Variants in PIAS2 observed in about 807,000 individuals in gnomAD.
PIAS2 encodes the protein E3 SUMO-protein ligase PIAS2.
A neutral mutation model predicts 69.7 loss-of-function variants in PIAS2; 19 were observed. That is an observed-to-expected ratio of 0.27 (90% confidence interval 0.19 to 0.40). PIAS2 has a LOEUF of 0.40. PIAS2 is among the 10% of genes least tolerant of loss of function. The pLI is 1.00. For missense variants in PIAS2, 624 were observed against 757.0 expected (o/e 0.82, Z 2.06); for synonymous variants, 261 against 263.2 (o/e 0.99, Z 0.08).
chr18:46,839,508 G>A (rs751680608), intron 8 of PIAS2, among the ~76,000 whole-genome samples: 3 of 151,892 alleles, frequency 2.0e-5, no homozygotes, highest in African/African-American at 4.8e-5. Flanking sequence ...TTAAAATAAC[G>A]TTCTAACTCA....
At chr18:46,911,582 C>T (rs1313089836) in intron 1 of PIAS2, among the ~76,000 whole-genome samples, 1 of 152,188 alleles carries the variant, frequency 6.6e-6, no homozygotes, top group Non-Finnish European at 1.5e-5. Flanking sequence ...TATGGCTCCA[C>T]AGTACTTGGT....
upstream of PIAS2, chr18:46,917,593 C>G (rs971982349): frequency 9.6e-7 from 1 of 1,036,716 alleles, no homozygotes; most frequent in African/African-American, 1.7e-5. Context: ...GCCTTCCGCC[C>G]GCGCCTTCAG....
rs1491456025 is a variant in PIAS2, at chr18:46,807,384, T to TATATATATATATA, written c.*5048_*5049insTATATATATATAT. 2.9e-3 allele frequency: 54 copies of TATATATATATATA among 18,598 alleles called. No individual in the cohort carries two copies. The highest frequency in any genetic ancestry group is 4.8e-3 in the Non-Finnish European group (47 of 9,710). 1.2% of individuals were successfully genotyped at this position (18,598 alleles called of 1,614,324 possible). A position where few individuals can be genotyped will look rare whatever the true frequency, so the allele number is the denominator to read the frequency against. On this transcript the variant is annotated 3_prime_UTR_variant, in exon 14 of 14. Coordinates refer to ENST00000585916, the MANE Select transcript of PIAS2 (RefSeq NM_004671.5). ...ATATATATATATATATATATATATA[T>TATATATATATATA]TTTTTTTTTTTTTTTTTTTTTTTTT...
chr18:46,897,445 C>CA (rs1217566433), intron 1 of PIAS2, among the ~76,000 whole-genome samples: 1 of 152,026 alleles, frequency 6.6e-6, no homozygotes, highest in Non-Finnish European at 1.5e-5. Flanking sequence ...ATTTGAGCAT[C>CA]AAAAAGAATA....
chr18:46,812,963 G>A (rs2041120468), intron 13 of PIAS2, among the ~76,000 whole-genome samples: 1 of 152,126 alleles, frequency 6.6e-6, no homozygotes, highest in Non-Finnish European at 1.5e-5. Context: ...TTAGTTGGGT[G>A]TCAATTTTGA....
chr18:46,823,888 A>G (rs2042481539), intron 11 of PIAS2, among the ~76,000 whole-genome samples: 1 of 152,224 alleles, frequency 6.6e-6, no homozygotes, highest in Non-Finnish European at 1.5e-5. Flanking sequence ...AAATGATTCT[A>G]AAGCCTATGC....
chr18:46,881,166 A>T (rs1410415817), intron 2 of PIAS2, among the ~76,000 whole-genome samples: 1 of 152,042 alleles, frequency 6.6e-6, no homozygotes, highest in Non-Finnish European at 1.5e-5. Flanking sequence ...AGTCCACCTT[A>T]TTACTTTCAA....
intron 3 of PIAS2, among the ~76,000 whole-genome samples, chr18:46,855,992 C>CTTTTTTT (rs1256937354): frequency 7.7e-4 from 53 of 69,078 alleles, no homozygotes; most frequent in African/African-American, 2.2e-3. Flanking sequence ...TTTTCTTTTT[C>CTTTTTTT]TTTTGTTTTT....
intron 1 of PIAS2, among the ~76,000 whole-genome samples, chr18:46,911,529 T>C (rs1181666456): frequency 2.0e-5 from 3 of 152,146 alleles, no homozygotes; most frequent in African/African-American, 7.2e-5. Flanking sequence ...TTTGTTATAT[T>C]TCCTTTTTAA....
Position 46,917,420 on chromosome 18 carries a change from C to G in PIAS2, c.-75G>C. ...CTGCCGCCAACGACGCTGCCGCCACCACGGCCGCCGCCGCCTCCAGCACCA... is the reference window on the plus strand; with the variant it reads ...CTGCCGCCAACGACGCTGCCGCCACGACGGCCGCCGCCGCCTCCAGCACCA... On this transcript the variant is annotated 5_prime_UTR_variant, in exon 1 of 14. Transcript: ENST00000585916. 7.3e-7 allele frequency: 1 copy of G among 1,372,344 alleles called. No homozygotes were observed. The highest frequency in any genetic ancestry group is 9.4e-7 in the Non-Finnish European group (1 of 1,061,452). The allele number at this position is 1,372,344 out of a possible 1,614,324, so 85.0% of individuals were successfully genotyped here.
chr18:46,836,915 C>A (rs1339407851), intron 8 of PIAS2, among the ~76,000 whole-genome samples: 1 of 152,100 alleles, frequency 6.6e-6, no homozygotes, highest in Non-Finnish European at 1.5e-5. Context: ...GTATACAATA[C>A]ACACTGTTTT....
At chr18:46,881,918 G>A (rs2052332949) in intron 2 of PIAS2, among the ~76,000 whole-genome samples, 1 of 152,174 alleles carries the variant, frequency 6.6e-6, no homozygotes, top group Non-Finnish European at 1.5e-5. Flanking sequence ...CCGACATGGT[G>A]AAACCCTGTC....
At chr18:46,887,251 A>G (rs2053358662) in intron 2 of PIAS2, among the ~76,000 whole-genome samples, 1 of 145,110 alleles carries the variant, frequency 6.9e-6, no homozygotes, top group South Asian at 2.2e-4. Flanking sequence ...AGCAAAAAGC[A>G]AAAAATTGAA....
Position 46,870,598 on chromosome 18 carries a change from A to G in PIAS2, c.500-6350T>C, listed in dbSNP as rs563016574. On this transcript the variant is annotated intron_variant, in intron 2 of 13. Coordinates refer to ENST00000585916, the MANE Select transcript of PIAS2 (RefSeq NM_004671.5). The stretch of plus-strand genomic sequence containing the variant: ...GCCACTGCACTCCAGCCTGGGCAAC[A>G]GAGCAAGACTCCGTCTCAAAAAAAA... Among the ~76,000 whole-genome samples, 13 of 135,576 alleles carry G rather than the reference A, an allele frequency of 9.6e-5. No individual in the cohort carries two copies. The South Asian group carries it at 2.9e-3, about 30-fold the overall frequency. The allele number at this position is 135,576 out of a possible 152,430, so 88.9% of individuals were successfully genotyped here.
At chr18:46,907,886 T>C (rs924112424) in intron 1 of PIAS2, 3 of 152,186 alleles carry the variant, frequency 2.0e-5, no homozygotes, top group Admixed American at 6.5e-5. Flanking sequence ...ACTGTATATA[T>C]ACTACACAGG....
At chr18:46,897,028 C>A (rs1176131114) in intron 1 of PIAS2, among the ~76,000 whole-genome samples, 1 of 152,056 alleles carries the variant, frequency 6.6e-6, no homozygotes, top group East Asian at 1.9e-4. Context: ...AAGCTGTGTA[C>A]TGGGGACACG....
At chr18:46,880,689 A>G (rs1440353146) in intron 2 of PIAS2, among the ~76,000 whole-genome samples, 4 of 152,264 alleles carry the variant, frequency 2.6e-5, no homozygotes, top group African/African-American at 9.6e-5. Flanking sequence ...GTAGAAATAA[A>G]AATACACACA....
chr18:46,846,629 C>T (rs1177900535), intron 6 of PIAS2, 78 bp downstream of exon 6: 31 of 1,362,694 alleles, frequency 2.3e-5, no homozygotes, highest in Non-Finnish European at 2.9e-5. Context: ...GAGCTGAAGC[C>T]AACAGCTTAA....
At chr18:46,869,155 G>T (rs1001541568) in intron 2 of PIAS2, among the ~76,000 whole-genome samples, 1 of 152,166 alleles carries the variant, frequency 6.6e-6, no homozygotes, top group African/African-American at 2.4e-5. Flanking sequence ...TCCTGTTGTG[G>T]GGCTTATACC....
Sources: allele counts gnomAD v4.1 joint callset (sites outside exome capture counted in the v4.1 genomes callset), GRCh38; gene constraint gnomAD v4.1.1; transcripts MANE v1.5; gene names NCBI Gene and HGNC (gene_info 2026-07-23, HGNC 2026-07-21).